The following IGSF3 variants were observed in gnomAD, a reference collection of about 807,000 sequenced individuals.
IGSF3 encodes the protein glu-Trp-Ile EWI motif-containing protein 3.
A neutral mutation model predicts 114.4 loss-of-function variants in IGSF3; 23 were observed. The observed-to-expected ratio is 0.20, with a 90% CI of 0.14 to 0.28. IGSF3 has a LOEUF of 0.28. Ranked by LOEUF, IGSF3 falls within the 10% of genes least tolerant of loss-of-function variation. IGSF3 has a pLI of 1.00. For missense variants in IGSF3, 1,172 were observed against 1,591.5 expected (o/e 0.74, Z 4.48); for synonymous variants, 571 against 645.2 (o/e 0.88, Z 1.74).
rs1229939024 is a variant in IGSF3, at chr1:116,616,263, G to A, written c.238C>T (p.Pro80Ser). The stretch of plus-strand genomic sequence containing the variant: ...ACGCGCTGGGTGTAGATGGCATAGG[G>A]GAAGGAAGAGTCCATGGTGCTGACG... ...QIVSTMDSSF[P>S]YAIYTQRVRG... Residue 80 changes from proline to serine, a missense_variant, in exon 3 of 11, where the codon CCC becomes TCC. Around this residue, in one of 3 missense-constraint regions of IGSF3, gnomAD observed 736 missense variants for 1,042.0 expected, o/e 0.71. Coordinates refer to ENST00000369486, the MANE Select transcript of IGSF3 (RefSeq NM_001007237.3). The surrounding 1 kb of genome is among the most constrained non-coding windows in gnomAD (Gnocchi z 6.6). The A allele has an allele frequency of 3.7e-6, 6 of 1,611,662 alleles. No homozygotes were observed. The Admixed American group carries it at 6.7e-5, about 18-fold the overall frequency.
In IGSF3 at chr1:116,598,678, G is replaced by A. The variant is rs964514565; in HGVS notation, c.2029+1263C>T. On this transcript the variant is annotated intron_variant, in intron 7 of 10. Transcript: ENST00000369486. This position sits in a 1 kb window ranked among gnomAD's most constrained non-coding sequence, Gnocchi z 4.3. ...GGCAGAAAAATCCCTTTGGCAAGGC[G>A]TTCCAGCCATCTTTGCAAAGTCAAA... is the stretch of plus-strand genomic sequence containing the variant. 3.9e-5 allele frequency among the ~76,000 whole-genome samples: 6 copies of A among 152,290 alleles called. No individual in the cohort carries two copies. The East Asian group carries it at 7.7e-4, about 20-fold the overall frequency.
intron 5 of IGSF3, chr1:116,606,602 G>A (rs1479203319): frequency 4.0e-6 from 3 of 752,532 alleles, no homozygotes; most frequent in Non-Finnish European, 7.4e-6. Flanking sequence ...TTCTCAGAAG[G>A]GGTTGGGGGA....
chr1:116,654,957 A>G lies in IGSF3; in HGVS notation c.43+11327T>C, dbSNP rs1393588878. 6.6e-6 allele frequency among the ~76,000 whole-genome samples: 1 copy of G among 152,176 alleles called. No individual in the cohort carries two copies. Among genetic ancestry groups the G allele is most frequent in the African/African-American group, 2.4e-5 (1 of 41,446 alleles). The stretch of plus-strand genomic sequence containing the variant: ...CCCCCTCTTCCTGGTGGCACCGGGC[A>G]TTGGTAACTCATGGCTGTAAAGGAG... On this transcript the variant is annotated intron_variant, in intron 2 of 10. Transcript: ENST00000369486. This position sits in a 1 kb window ranked among gnomAD's most constrained non-coding sequence, Gnocchi z 4.4.
In IGSF3 at chr1:116,600,091, T is replaced by C; in HGVS notation, c.1879A>G (p.Asn627Asp). 6.2e-7 allele frequency: 1 copy of C among 1,614,170 alleles called. No homozygotes were observed. Among genetic ancestry groups the C allele is most frequent in the Non-Finnish European group, 8.5e-7 (1 of 1,180,034 alleles). The part of the protein sequence containing the change: ...TAIEKAESSN[N>D]VRLSISRASD... ...GCTCGGCTGATGCTTAGGCGGACGTTGTTGCTGGACTCAGCCTTCTCGATG... is the reference window on the plus strand; with the variant it reads ...GCTCGGCTGATGCTTAGGCGGACGTCGTTGCTGGACTCAGCCTTCTCGATG... The change falls in exon 7 of 11, where the codon AAC (asparagine) becomes GAC (aspartate). Residue 627 changes from asparagine to aspartate, a missense_variant. Coordinates refer to ENST00000369486, the MANE Select transcript of IGSF3 (RefSeq NM_001007237.3). The surrounding 1 kb of genome is among the most constrained non-coding windows in gnomAD (Gnocchi z 5.5).
chr1:116,591,523 A>G (rs1481628342), intron 7 of IGSF3, among the ~76,000 whole-genome samples: 1 of 152,270 alleles, frequency 6.6e-6, no homozygotes, highest in African/African-American at 2.4e-5. Flanking sequence ...CATGAATTCA[A>G]GGAAGAGAAA....
At chr1:116,630,433 C>G (rs1647504865) in intron 2 of IGSF3, among the ~76,000 whole-genome samples, 1 of 152,230 alleles carries the variant, frequency 6.6e-6, no homozygotes, top group Non-Finnish European at 1.5e-5. Context: ...AAGGTGTCTT[C>G]TTACTTTAAT....
At chr1:116,580,182 C>T (rs1659540912) in intron 9 of IGSF3, among the ~76,000 whole-genome samples, 1 of 152,104 alleles carries the variant, frequency 6.6e-6, no homozygotes, top group Non-Finnish European at 1.5e-5. Context: ...TAGTGTGGTT[C>T]CTTATGGGAA....
rs1163824240 is a variant in IGSF3, at chr1:116,647,147, G to A, written c.43+19137C>T. Among the ~76,000 whole-genome samples the A allele has an allele frequency of 1.3e-5, 2 of 152,318 alleles. No homozygotes were observed. The highest frequency in any genetic ancestry group is 1.5e-5 in the Non-Finnish European group (1 of 68,036). On this transcript the variant is annotated intron_variant, in intron 2 of 10. Coordinates refer to ENST00000369486, the MANE Select transcript of IGSF3 (RefSeq NM_001007237.3). This position sits in a 1 kb window ranked among gnomAD's most constrained non-coding sequence, Gnocchi z 4.6. Reference sequence around the variant, plus strand: ...GTATGGCAGGTGACAAAAAAGATGAGGCTGAAGGTCAGGAGAGACCCAGGC... The same window carrying A: ...GTATGGCAGGTGACAAAAAAGATGAAGCTGAAGGTCAGGAGAGACCCAGGC...
At position 116,654,579 on chromosome 1, in the gene IGSF3, G is replaced by T. The variant is rs1468204402; in HGVS notation, c.43+11705C>A. 6.6e-6 allele frequency among the ~76,000 whole-genome samples: 1 copy of T among 152,174 alleles called. No individual in the cohort carries two copies. The highest frequency in any genetic ancestry group is 1.5e-5 in the Non-Finnish European group (1 of 68,020). ...AGGGCGCCCTCAGGGAGGCCACACT[G>T]CAGGAGGCAAAGTATGAGGTGGGGA... On this transcript the variant is annotated intron_variant, in intron 2 of 10. Transcript: ENST00000369486. This position sits in a 1 kb window ranked among gnomAD's most constrained non-coding sequence, Gnocchi z 4.4.
In IGSF3 at chr1:116,627,876, G is replaced by T. The variant is rs2101034993; in HGVS notation, c.44-11419C>A. Among the ~76,000 whole-genome samples the T allele has an allele frequency of 6.6e-6, 1 of 152,282 alleles. No homozygotes were observed. Among genetic ancestry groups the T allele is most frequent in the East Asian group, 1.9e-4 (1 of 5,184 alleles). On this transcript the variant is annotated intron_variant, in intron 2 of 10. Coordinates refer to ENST00000369486, the MANE Select transcript of IGSF3 (RefSeq NM_001007237.3). The surrounding 1 kb of genome is among the most constrained non-coding windows in gnomAD (Gnocchi z 4.7). ...AGGAATGCCCAGGCAGTGAATTGGG[G>T]TCTCCAAAGGAACCTCAGAGCCGTG...
At chr1:116,653,834 G>A (rs1223167797) in intron 2 of IGSF3, among the ~76,000 whole-genome samples, 1 of 152,210 alleles carries the variant, frequency 6.6e-6, no homozygotes, top group African/African-American at 2.4e-5. Context: ...CAGAGGTGCC[G>A]AAACGCAGAA....
At chr1:116,601,542 T>G (rs1257539141) in intron 6 of IGSF3, among the ~76,000 whole-genome samples, 6 of 152,238 alleles carry the variant, frequency 3.9e-5, no homozygotes, top group Non-Finnish European at 1.5e-5. Context: ...TACTATATTT[T>G]GTTAAATATT....
chr1:116,619,821 T>C (rs1413815224), intron 2 of IGSF3, among the ~76,000 whole-genome samples: 1 of 152,182 alleles, frequency 6.6e-6, no homozygotes, highest in Admixed American at 6.5e-5. Flanking sequence ...ACTCTTTGGA[T>C]TACTCTGCAA....
rs1253111744 is a variant in IGSF3, at chr1:116,654,778, C to T, written c.43+11506G>A. Among the ~76,000 whole-genome samples the T allele has an allele frequency of 6.6e-6, 1 of 152,160 alleles. No homozygotes were observed. The highest frequency in any genetic ancestry group is 6.6e-5 in the Admixed American group (1 of 15,266). On this transcript the variant is annotated intron_variant, in intron 2 of 10. Transcript: ENST00000369486. This position sits in a 1 kb window ranked among gnomAD's most constrained non-coding sequence, Gnocchi z 4.4. Reference sequence around the variant, plus strand: ...CCCAATTCCCACACACAAGCAACATCCCCAGCAGTAATAAGGACGTTCCAC... The same window carrying T: ...CCCAATTCCCACACACAAGCAACATTCCCAGCAGTAATAAGGACGTTCCAC...
chr1:116,593,951 G>C lies in IGSF3; in HGVS notation c.2030-4847C>G, dbSNP rs1251058747. Among the ~76,000 whole-genome samples, 1 of 152,216 alleles carries C rather than the reference G, an allele frequency of 6.6e-6. No homozygotes were observed. The highest frequency in any genetic ancestry group is 1.5e-5 in the Non-Finnish European group (1 of 68,054). On this transcript the variant is annotated intron_variant, in intron 7 of 10. Transcript: ENST00000369486. This position sits in a 1 kb window ranked among gnomAD's most constrained non-coding sequence, Gnocchi z 4.5. ...CTGCCTCGTGTCCTGTGTGACTTTCGAATGACATTCATATGGGCAAAAATT... is the reference window on the plus strand; with the variant it reads ...CTGCCTCGTGTCCTGTGTGACTTTCCAATGACATTCATATGGGCAAAAATT...
At position 116,588,104 on chromosome 1, in the gene IGSF3, C is replaced by A. The variant is rs76752263; in HGVS notation, c.2440+590G>T. On this transcript the variant is annotated intron_variant, in intron 8 of 10. Coordinates refer to ENST00000369486, the MANE Select transcript of IGSF3 (RefSeq NM_001007237.3). The surrounding 1 kb of genome is among the most constrained non-coding windows in gnomAD (Gnocchi z 4.9). ...TGCCCAAAAATGGAACTGAGGCTTGCGGACTGAATAGCTCTCCCTCCCTGG... is the reference window on the plus strand; with the variant it reads ...TGCCCAAAAATGGAACTGAGGCTTGAGGACTGAATAGCTCTCCCTCCCTGG... Among the ~76,000 whole-genome samples, 1 of 152,018 alleles carries A rather than the reference C, an allele frequency of 6.6e-6. No individual in the cohort carries two copies. The highest frequency in any genetic ancestry group is 1.5e-5 in the Non-Finnish European group (1 of 67,936).
chr1:116,635,898 A>G (rs1004803547), intron 2 of IGSF3, among the ~76,000 whole-genome samples: 1 of 152,234 alleles, frequency 6.6e-6, no homozygotes, highest in African/African-American at 2.4e-5. Context: ...TGCCTTATGC[A>G]GGCAACCATT....
rs1659488163 is a variant in IGSF3 at position 116,579,330 on chromosome 1, T to G, written c.3334+62A>C. The G allele has an allele frequency of 1.3e-6, 2 of 1,509,588 alleles. No individual in the cohort carries two copies. The highest frequency in any genetic ancestry group is 4.6e-5 in the East Asian group (2 of 43,794). 93.5% of individuals were successfully genotyped at this position (1,509,588 alleles called of 1,614,324 possible). A position where few individuals can be genotyped will look rare whatever the true frequency, so the allele number is the denominator to read the frequency against. On this transcript the variant is annotated intron_variant, in intron 10 of 10. Transcript: ENST00000369486. This position sits in a 1 kb window ranked among gnomAD's most constrained non-coding sequence, Gnocchi z 6.4. The stretch of plus-strand genomic sequence containing the variant: ...TATTAACCCATAATCAAGCTCAAAT[T>G]TATCTTCCAGACACAGTTGGAACCA...
chr1:116,637,450 TTTCC>T (rs1647884665), intron 2 of IGSF3, among the ~76,000 whole-genome samples: 1 of 152,172 alleles, frequency 6.6e-6, no homozygotes, highest in African/African-American at 2.4e-5. Context: ...GTTCATTTCC[TTTCC>T]CTGTGTCTTA....
Sources: allele counts gnomAD v4.1 joint callset (sites outside exome capture counted in the v4.1 genomes callset), GRCh38; gene constraint gnomAD v4.1.1; regional missense constraint gnomAD v4.1.1; non-coding constraint Gnocchi (gnomAD v3.1); transcripts MANE v1.5; gene names NCBI Gene and HGNC (gene_info 2026-07-23, HGNC 2026-07-21).